The following EIF3L variants were observed in gnomAD, a reference collection of about 807,000 sequenced individuals.
The protein encoded by EIF3L is eIEF associated protein HSPC021.
A neutral mutation model predicts 74.6 loss-of-function variants in EIF3L; 32 were observed. The ratio of observed to expected loss-of-function variants is 0.43; its 90% CI spans 0.32 to 0.58. The LOEUF (loss-of-function observed/expected upper bound fraction) is 0.58, where lower values mean the gene tolerates loss of function less well. Among genes scored for constraint, EIF3L ranks in the 20% least tolerant of loss-of-function variants. The pLI is 0.06. For synonymous variants in EIF3L, 256 were observed against 254.4 expected, an observed-to-expected ratio of 1.01 and a Z score of -0.06; for missense variants, 474 against 707.8, an observed-to-expected ratio of 0.67 and a Z score of 3.75.
chr22:37,864,829 G>A (rs1187254687), intron 7 of EIF3L, among the ~76,000 whole-genome samples: 1 of 152,166 alleles, frequency 6.6e-6, no homozygotes, highest in African/African-American at 2.4e-5. Context: ...GTGAGCCACC[G>A]CGCCTGGCCT....
In EIF3L at chr22:37,851,362, C is replaced by A; in HGVS notation, c.165C>A (p.Phe55Leu). ...YQVIPEVIKN[F>L]IQYFHKTVSD... ...TGATCCCTGAGGTGATCAAAAACTTCATCCAGTATTTCCACAAAACTGTCT... is the reference window on the plus strand; with the variant it reads ...TGATCCCTGAGGTGATCAAAAACTTAATCCAGTATTTCCACAAAACTGTCT... Residue 55 changes from phenylalanine (F) to leucine (L), a missense_variant, in exon 3 of 13, where the codon TTC (phenylalanine) becomes TTA (leucine). By Grantham distance (22) the Phe-to-Leu change is conservative. Transcript: ENST00000652021. 3 of 1,614,160 alleles carry A rather than the reference C, an allele frequency of 1.9e-6. No individual in the cohort carries two copies. Among genetic ancestry groups the A allele is most frequent in the Non-Finnish European group, 2.5e-6 (3 of 1,180,030 alleles).
intron 5 of EIF3L, among the ~76,000 whole-genome samples, chr22:37,861,407 C>T (rs1925847993): frequency 6.6e-6 from 1 of 152,176 alleles, no homozygotes; most frequent in Admixed American, 6.6e-5. Context: ...GATTCCTGGC[C>T]AGGCGCTGTG....
intron 11 of EIF3L, 194 bp from the exon 12 acceptor site, chr22:37,886,571 A>G: frequency 2.7e-6 from 1 of 372,064 alleles, no homozygotes; most frequent in Non-Finnish European, 5.0e-6. Flanking sequence ...CCATCTCAAA[A>G]AAAAAAAGAA....
chr22:37,881,397 G>A (rs1321823559), intron 11 of EIF3L: 1 of 151,904 alleles, frequency 6.6e-6, no homozygotes, highest in Admixed American at 6.6e-5. Flanking sequence ...AGCTGATGAG[G>A]TTTTTAAAAG....
At chr22:37,850,095 C>G (rs368141450) in intron 2 of EIF3L, 32 bp downstream of exon 2, 3 of 1,611,534 alleles carry the variant, frequency 1.9e-6, no homozygotes, top group Admixed American at 1.7e-5. Context: ...GCTGAGTACT[C>G]GTAGGGATCA....
chr22:37,881,445 G>C (rs1927044004), intron 11 of EIF3L: 1 of 152,054 alleles, frequency 6.6e-6, no homozygotes, highest in Non-Finnish European at 1.5e-5. Flanking sequence ...TCTTGCTCTT[G>C]TTGCACAGGC....
chr22:37,870,090 A>G (rs1926390824), intron 7 of EIF3L, 86 bp from the exon 8 acceptor site: 77 of 1,253,832 alleles, frequency 6.1e-5, no homozygotes, highest in Non-Finnish European at 8.4e-5. Flanking sequence ...CCAGAGCCAG[A>G]GCATTGCCTC....
At chr22:37,870,931 C>T (rs1300401213) in intron 8 of EIF3L, among the ~76,000 whole-genome samples, 1 of 151,928 alleles carries the variant, frequency 6.6e-6, no homozygotes, top group Non-Finnish European at 1.5e-5. Context: ...TTGAGACCAG[C>T]CTGGGCAATA....
intron 4 of EIF3L, among the ~76,000 whole-genome samples, chr22:37,858,163 G>A (rs1216516718): frequency 1.3e-5 from 2 of 150,684 alleles, no homozygotes; most frequent in African/African-American, 2.4e-5. Context: ...GCAACAGAGC[G>A]AGACCCTGTC....
rs150363281 is a variant in EIF3L, at chr22:37,850,585, C to T, written c.82+522C>T. 529 of 175,976 alleles carry T rather than the reference C, an allele frequency of 3.0e-3. 2 individuals are homozygous for T. Among genetic ancestry groups the T allele is most frequent in the African/African-American group, 0.012 (487 of 41,750 alleles). The allele number at this position is 175,976 out of a possible 1,614,324, so 10.9% of individuals were successfully genotyped here. On this transcript the variant is annotated intron_variant, in intron 2 of 12. Transcript: ENST00000652021. ...AACTCCTGACCTCAGGTGATCCACC[C>T]GCCCCAACCTCCCAAAGTGCTGGGA...
chr22:37,878,022 G>T lies in EIF3L; in HGVS notation c.1426G>T (p.Ala476Ser). 1 of 1,613,876 alleles carries T rather than the reference G, an allele frequency of 6.2e-7. No individual in the cohort carries two copies. The highest frequency in any genetic ancestry group is 8.5e-7 in the Non-Finnish European group (1 of 1,180,012). The change falls in exon 11 of 13, where the codon GCT (alanine) becomes TCT (serine). Residue 476 changes from alanine to serine, a missense_variant. Transcript: ENST00000652021. ...LYTTMPVAKL[A>S]GFLDLTEQEF... ...CACCACCATGCCTGTGGCCAAGCTGGCTGGCTTCCTGGACCTCACAGAGCA... is the reference window on the plus strand; with the variant it reads ...CACCACCATGCCTGTGGCCAAGCTGTCTGGCTTCCTGGACCTCACAGAGCA...
At position 37,870,173 on chromosome 22, in the gene EIF3L, C is replaced by T; in HGVS notation, c.580-3C>T. 1 of 1,589,870 alleles carries T rather than the reference C, an allele frequency of 6.3e-7. No homozygotes were observed. The highest frequency in any genetic ancestry group is 8.6e-7 in the Non-Finnish European group (1 of 1,166,910). On this transcript the variant is annotated splice_polypyrimidine_tract_variant and splice_region_variant and intron_variant, in intron 7 of 12. Coordinates refer to ENST00000652021, the MANE Select transcript of EIF3L (RefSeq NM_016091.4). ...ACTGCATGTTTCTTTTCTTCCTCAA[C>T]AGTTTCAGTCATTCAGTCAGTACCG...
chr22:37,858,467 T>G, intron 4 of EIF3L: 1 of 587,080 alleles, frequency 1.7e-6, no homozygotes, highest in East Asian at 3.0e-5. Flanking sequence ...TAGATCTGAA[T>G]GAGATCTTAA....
In EIF3L at chr22:37,866,555, G is replaced by A. The variant is rs149538260; in HGVS notation, c.579+3210G>A. Among the ~76,000 whole-genome samples the A allele has an allele frequency of 3.2e-3, 489 of 152,292 alleles. 2 individuals carry two copies. Among genetic ancestry groups the A allele is most frequent in the African/African-American group, 0.011 (465 of 41,556 alleles). On this transcript the variant is annotated intron_variant, in intron 7 of 12. Coordinates refer to ENST00000652021, the MANE Select transcript of EIF3L (RefSeq NM_016091.4). ...AATCCCAGCTCTTTGGGAAGCCAAG[G>A]CGGGTGGATCACGAGGTCAGGAGTT...
At chr22:37,874,636 C>T in intron 9 of EIF3L, 112 bp downstream of exon 9, 1 of 1,269,162 alleles carries the variant, frequency 7.9e-7, no homozygotes, top group Non-Finnish European at 1.1e-6. Context: ...ACTGTTCCCT[C>T]AGGCCATTGA....
At position 37,870,211 on chromosome 22, in the gene EIF3L, C is replaced by T; in HGVS notation, c.615C>T (p.Ala205=). ...QSFSQYRCKT[A]KKSEEEIDFL... is the part of the protein sequence containing the mutation. ...TCAGTCAGTACCGCTGTAAGACTGC[C>T]AAGAAGTCAGAGGAGGAGATTGACT... Residue 205 remains alanine, a synonymous_variant, in exon 8 of 13, where the codon GCC becomes GCT. Transcript: ENST00000652021. 1.2e-6 allele frequency: 2 copies of T among 1,613,222 alleles called. No homozygotes were observed. Among genetic ancestry groups the T allele is most frequent in the Non-Finnish European group, 1.7e-6 (2 of 1,179,534 alleles).
intron 7 of EIF3L, among the ~76,000 whole-genome samples, chr22:37,865,846 C>T (rs371798501): frequency 2.6e-5 from 4 of 152,152 alleles, no homozygotes; most frequent in African/African-American, 7.2e-5. Flanking sequence ...AAGGATCATC[C>T]GTGCTGATTT....
Position 37,886,758 on chromosome 22 carries a change from C to T in EIF3L, c.1576-7C>T. The T allele has an allele frequency of 1.2e-6, 2 of 1,606,284 alleles. No homozygotes were observed. The highest frequency in any genetic ancestry group is 2.2e-5 in the South Asian group (2 of 90,896). On this transcript the variant is annotated splice_region_variant and splice_polypyrimidine_tract_variant and intron_variant, in intron 11 of 12. Coordinates refer to ENST00000652021, the MANE Select transcript of EIF3L (RefSeq NM_016091.4). Reference sequence around the variant, plus strand: ...CTGCTCTTCCCTGACTGTGCTTTCCCCCACAGGACATGATCCACATCGCGG... The same window carrying T: ...CTGCTCTTCCCTGACTGTGCTTTCCTCCACAGGACATGATCCACATCGCGG...
At chr22:37,881,649 TCTGCCCGCCTCGGC>T (rs1314188614) in intron 11 of EIF3L, 7 of 152,172 alleles carry the variant, frequency 4.6e-5, no homozygotes, top group African/African-American at 1.7e-4. Flanking sequence ...CCTCAGGTGA[TCTGCCCGCCTCGGC>T]CTCCCAAAGT....
Sources: allele counts gnomAD v4.1 joint callset (sites outside exome capture counted in the v4.1 genomes callset), GRCh38; gene constraint gnomAD v4.1.1; transcripts MANE v1.5; gene names NCBI Gene and HGNC (gene_info 2026-07-23, HGNC 2026-07-21).